Variants in MAPK10 observed in about 807,000 individuals in gnomAD.
The protein encoded by MAPK10 is JNK3 alpha protein kinase.
A neutral mutation model predicts 59.3 loss-of-function variants in MAPK10; 25 were observed. The observed-to-expected ratio is 0.42, with a 90% confidence interval of 0.31 to 0.59. The LOEUF is 0.59. MAPK10 is among the 20% of genes least tolerant of loss of function. MAPK10 has a pLI of 0.15. For missense variants in MAPK10, 351 were observed against 568.9 expected (o/e 0.62, Z 3.90); for synonymous variants, 190 against 200.5 (o/e 0.95, Z 0.44).
chr4:86,054,218 T>G (rs1474226395), intron 11 of MAPK10, among the ~76,000 whole-genome samples: 1 of 152,152 alleles, frequency 6.6e-6, no homozygotes, highest in Non-Finnish European at 1.5e-5. Flanking sequence ...GAATAGAACT[T>G]GCTAAAATTA....
At chr4:86,410,872 G>A (rs572005520) in intron 1 of MAPK10, among the ~76,000 whole-genome samples, 49 of 151,996 alleles carry the variant, frequency 3.2e-4, no homozygotes, top group African/African-American at 9.2e-4. Flanking sequence ...TTGATTTTTC[G>A]GAAGGGTTTT....
chr4:86,536,471 A>G (rs1275128307), intron 1 of MAPK10, among the ~76,000 whole-genome samples: 1 of 152,232 alleles, frequency 6.6e-6, no homozygotes, highest in African/African-American at 2.4e-5. Flanking sequence ...TTTTTAATGA[A>G]TAGCTTTCAC....
intron 1 of MAPK10, among the ~76,000 whole-genome samples, chr4:86,416,840 A>G (rs1745917561): frequency 6.6e-6 from 1 of 152,190 alleles, no homozygotes. Context: ...AACCAAAAGG[A>G]AGATACATGG....
chr4:86,249,333 G>A (rs1000129692), intron 2 of MAPK10, among the ~76,000 whole-genome samples: 2 of 152,130 alleles, frequency 1.3e-5, no homozygotes, highest in Non-Finnish European at 2.9e-5. Context: ...TGATTCTCCT[G>A]TGCAGATTCC....
chr4:86,085,186 G>T (rs979771695), intron 9 of MAPK10, among the ~76,000 whole-genome samples: 4 of 151,912 alleles, frequency 2.6e-5, no homozygotes, highest in African/African-American at 9.7e-5. Context: ...CAGTGGTCAG[G>T]GCAAAAATTT....
At position 86,016,840 on chromosome 4, in the gene MAPK10, A is replaced by T; in HGVS notation, c.*388T>A. On this transcript the variant is annotated 3_prime_UTR_variant, in exon 14 of 14. Coordinates refer to ENST00000641462, the MANE Select transcript of MAPK10 (RefSeq NM_138982.4). ...GAGCAGGTAGATGCAAGATAGAGACACACACATGCTGGATGGGGCCACTGC... is the reference window on the plus strand; with the variant it reads ...GAGCAGGTAGATGCAAGATAGAGACTCACACATGCTGGATGGGGCCACTGC... 4.9e-6 allele frequency: 1 copy of T among 202,450 alleles called. No individual in the cohort carries two copies. Among genetic ancestry groups the T allele is most frequent in the Admixed American group, 5.3e-5 (1 of 18,860 alleles). 12.5% of individuals were successfully genotyped at this position (202,450 alleles called of 1,614,324 possible). A position where few individuals can be genotyped will look rare whatever the true frequency, so the allele number is the denominator to read the frequency against.
Position 86,015,431 on chromosome 4 carries a change from G to C in MAPK10, c.*1797C>G, listed in dbSNP as rs1282760385. 6.6e-6 allele frequency: 1 copy of C among 152,166 alleles called. No homozygotes were observed. The highest frequency in any genetic ancestry group is 1.5e-5 in the Non-Finnish European group (1 of 68,036). The allele number at this position is 152,166 out of a possible 1,614,324, so 9.4% of individuals were successfully genotyped here. ...CACACTCATCAACCATCCACTTCCTGTCTTTCACTTCTTCAGGTGAAATAT... is the reference window on the plus strand; with the variant it reads ...CACACTCATCAACCATCCACTTCCTCTCTTTCACTTCTTCAGGTGAAATAT... On this transcript the variant is annotated 3_prime_UTR_variant, in exon 14 of 14. Transcript: ENST00000641462.
chr4:86,055,685 C>T (rs993593), intron 11 of MAPK10, among the ~76,000 whole-genome samples: 5 of 149,580 alleles, frequency 3.3e-5, no homozygotes, highest in African/African-American at 5.0e-5. Flanking sequence ...GCTTTTTCTA[C>T]CCATGAAATG....
chr4:86,315,276 G>T (rs1455248082), intron 2 of MAPK10, among the ~76,000 whole-genome samples: 2 of 151,864 alleles, frequency 1.3e-5, no homozygotes, highest in African/African-American at 2.4e-5. Context: ...GCATGGAGGG[G>T]GTGGTTAATG....
intron 1 of MAPK10, among the ~76,000 whole-genome samples, chr4:86,486,543 A>C (rs1288750466): frequency 6.6e-6 from 1 of 152,180 alleles, no homozygotes; most frequent in Admixed American, 6.5e-5. Flanking sequence ...TGGGTATCAT[A>C]ATATTGAGAA....
intron 9 of MAPK10, among the ~76,000 whole-genome samples, chr4:86,085,698 A>G (rs909748562): frequency 2.6e-5 from 4 of 152,146 alleles, no homozygotes; most frequent in African/African-American, 9.7e-5. Flanking sequence ...TCCTCAAAAA[A>G]CTAAAAATAG....
At chr4:86,114,886 G>A (rs988711797) in intron 4 of MAPK10, among the ~76,000 whole-genome samples, 1 of 152,226 alleles carries the variant, frequency 6.6e-6, no homozygotes, top group Non-Finnish European at 1.5e-5. Flanking sequence ...TTTCTGCAGG[G>A]AGGCCCTGCT....
intron 11 of MAPK10, among the ~76,000 whole-genome samples, chr4:86,039,796 C>T (rs2041129050): frequency 6.6e-6 from 1 of 152,132 alleles, no homozygotes; most frequent in African/African-American, 2.4e-5. Flanking sequence ...TCAGGTCTGC[C>T]CTTGTGTACC....
At chr4:86,289,838 T>C (rs894159838) in intron 2 of MAPK10, among the ~76,000 whole-genome samples, 1 of 152,052 alleles carries the variant, frequency 6.6e-6, no homozygotes, top group African/African-American at 2.4e-5. Flanking sequence ...CCAATGGGTG[T>C]TCTGTGGGAT....
At chr4:86,329,326 G>C (rs939075366) in intron 2 of MAPK10, among the ~76,000 whole-genome samples, 3 of 152,116 alleles carry the variant, frequency 2.0e-5, no homozygotes, top group African/African-American at 7.2e-5. Context: ...ATATATTTAA[G>C]CACATCTCAG....
chr4:86,020,925 A>C (rs886065941), intron 13 of MAPK10: 1 of 152,302 alleles, frequency 6.6e-6, no homozygotes, highest in Non-Finnish European at 1.5e-5. Context: ...TGGGTTGCCA[A>C]TGCTGGCTCG....
chr4:86,155,174 A>T (rs920182088), intron 4 of MAPK10, among the ~76,000 whole-genome samples: 4 of 152,038 alleles, frequency 2.6e-5, no homozygotes, highest in Non-Finnish European at 5.9e-5. Flanking sequence ...AAATGAGCAC[A>T]TTTAAAAGGG....
At chr4:86,462,562 G>A (rs1170333140) in intron 1 of MAPK10, among the ~76,000 whole-genome samples, 1 of 152,170 alleles carries the variant, frequency 6.6e-6, no homozygotes, top group African/African-American at 2.4e-5. Flanking sequence ...CTTCTCTACA[G>A]CACCAGCCGT....
chr4:86,197,185 C>T (rs1309400426), intron 2 of MAPK10, among the ~76,000 whole-genome samples: 2 of 152,268 alleles, frequency 1.3e-5, no homozygotes, highest in Non-Finnish European at 1.5e-5. Context: ...TTCTTCCTAT[C>T]CATGAGCATG....
Sources: allele counts gnomAD v4.1 joint callset (sites outside exome capture counted in the v4.1 genomes callset), GRCh38; gene constraint gnomAD v4.1.1; transcripts MANE v1.5; gene names NCBI Gene and HGNC (gene_info 2026-07-23, HGNC 2026-07-21).